The following FAT4 variants were observed in gnomAD, a reference collection of about 807,000 sequenced individuals.
FAT4 encodes the protein FAT atypical cadherin 4.
FAT4 carries 84 observed loss-of-function variants against 303.9 expected under a neutral mutation model. The ratio of observed to expected loss-of-function variants is 0.28; its 90% CI spans 0.23 to 0.33. The LOEUF (loss-of-function observed/expected upper bound fraction) is 0.33, where lower values mean the gene tolerates loss of function less well. Ranked by LOEUF, FAT4 falls within the 10% of genes least tolerant of loss-of-function variation. The pLI is 1.00. For missense variants in FAT4, 6,005 were observed against 6,146.8 expected (o/e 0.98, Z 0.77); for synonymous variants, 2,307 against 2,298.8 (o/e 1.00, Z -0.10).
chr4:125,367,309 A>G (rs1216583343), intron 2 of FAT4, among the ~76,000 whole-genome samples: 1 of 152,196 alleles, frequency 6.6e-6, no homozygotes. Flanking sequence ...CTGTACATAT[A>G]TTAAATCATT....
At chr4:125,440,916 C>G (rs868244828) in intron 8 of FAT4, among the ~76,000 whole-genome samples, 1 of 152,110 alleles carries the variant, frequency 6.6e-6, no homozygotes, top group Admixed American at 6.6e-5. Flanking sequence ...CTCTCTTATA[C>G]TCAATCAGTG....
chr4:125,438,446 G>A (rs548558632), intron 8 of FAT4, among the ~76,000 whole-genome samples: 5 of 152,202 alleles, frequency 3.3e-5, no homozygotes, highest in African/African-American at 1.2e-4. Context: ...TTGGTAGTAT[G>A]TATTTTGGTT....
intron 2 of FAT4, among the ~76,000 whole-genome samples, chr4:125,342,699 A>G (rs1731844309): frequency 6.6e-6 from 1 of 151,542 alleles, no homozygotes; most frequent in Non-Finnish European, 1.5e-5. Flanking sequence ...ACGTCATCAT[A>G]TATGTTTGAA....
At position 125,451,660 on chromosome 4, in the gene FAT4, G is replaced by A; in HGVS notation, c.10650G>A (p.Leu3550=). 3 of 1,614,114 alleles carry A rather than the reference G, an allele frequency of 1.9e-6. No homozygotes were observed. The highest frequency in any genetic ancestry group is 2.5e-6 in the Non-Finnish European group (3 of 1,180,018). Residue 3550 remains leucine, a synonymous_variant, in exon 10 of 18, where the codon TTG becomes TTA. Coordinates refer to ENST00000394329, the MANE Select transcript of FAT4 (RefSeq NM_001291303.3). ...ATCAAGGTCCCTTTACTTATTACTT[G>A]CTGAGCACAGGTCCTGCCACCAGTT... ...PPNQGPFTYY[L]LSTGPATSYF...
rs529049670 is a variant in FAT4, at chr4:125,345,503, T to C, written c.5175+23917T>C. Among the ~76,000 whole-genome samples, 39 of 152,132 alleles carry C rather than the reference T, an allele frequency of 2.6e-4. No homozygotes were observed. In the South Asian group the frequency reaches 5.6e-3, roughly 22 times the overall value. On this transcript the variant is annotated intron_variant, in intron 2 of 17. Coordinates refer to ENST00000394329, the MANE Select transcript of FAT4 (RefSeq NM_001291303.3). ...AAAATACTTATTATTTTCCTTTAAT[T>C]TTTTTCTGCAATTTTGTTGATGTTG...
At chr4:125,425,339 T>G (rs551494964) in intron 7 of FAT4, among the ~76,000 whole-genome samples, 1 of 152,136 alleles carries the variant, frequency 6.6e-6, no homozygotes, top group Non-Finnish European at 1.5e-5. Context: ...ACTTAACAGG[T>G]GATGATTTCT....
chr4:125,328,004 C>T (rs971025243), intron 2 of FAT4, among the ~76,000 whole-genome samples: 5 of 152,026 alleles, frequency 3.3e-5, no homozygotes, highest in African/African-American at 9.7e-5. Flanking sequence ...CTAGGCCCAG[C>T]GCTTTATAAA....
At chr4:125,395,464 C>T (rs1032744953) in intron 2 of FAT4, among the ~76,000 whole-genome samples, 2 of 152,186 alleles carry the variant, frequency 1.3e-5, no homozygotes, top group Admixed American at 6.5e-5. Flanking sequence ...TGCACGCCAC[C>T]ACGCCCAACT....
At chr4:125,453,001 A>G (rs1726152584) in intron 10 of FAT4, among the ~76,000 whole-genome samples, 191 bp downstream of exon 10, 1 of 152,222 alleles carries the variant, frequency 6.6e-6, no homozygotes, top group Non-Finnish European at 1.5e-5. Flanking sequence ...TACTTCTTAC[A>G]AGAAAACTTA....
Position 125,414,870 on chromosome 4 carries a change from C to T in FAT4, c.5921-14C>T, listed in dbSNP as rs190218898. 3,331 of 1,554,902 alleles carry T rather than the reference C, an allele frequency of 2.1e-3. 4 individuals are homozygous for T. The highest frequency in any genetic ancestry group is 2.7e-3 in the Non-Finnish European group (3,130 of 1,147,186). ...CATATGTTTAAGAAAATTTTTTCTT[C>T]CCTTTAATTTCAGGCATCAACTCTC... On this transcript the variant is annotated splice_polypyrimidine_tract_variant and intron_variant, in intron 5 of 17. Transcript: ENST00000394329.
At chr4:125,328,218 G>A (rs1009332789) in intron 2 of FAT4, among the ~76,000 whole-genome samples, 14 of 152,104 alleles carry the variant, frequency 9.2e-5, no homozygotes, top group South Asian at 6.2e-4. Flanking sequence ...GAGAGTATAG[G>A]GAATGCAGAC....
At chr4:125,423,414 C>T (rs771734268) in intron 7 of FAT4, among the ~76,000 whole-genome samples, 4 of 152,136 alleles carry the variant, frequency 2.6e-5, no homozygotes, top group Non-Finnish European at 5.9e-5. Context: ...AGGTTCAGCT[C>T]AGGCTGTTGC....
chr4:125,319,573 A>T lies in FAT4; in HGVS notation c.3162A>T (p.Ile1054=). The T allele has an allele frequency of 9.9e-6, 16 of 1,614,112 alleles. No homozygotes were observed. The highest frequency in any genetic ancestry group is 2.7e-5 in the African/African-American group (2 of 75,058). Residue 1054 remains isoleucine, a synonymous_variant, in exon 2 of 18, where the codon ATA becomes ATT. Transcript: ENST00000394329. ...TATTCCCAGATGGTCAATTGTATAT[A>T]AAAAGTGAACTGGACCGTGAACTTC... The part of the protein sequence containing the change: ...FGIFPDGQLY[I]KSELDRELQD...
At position 125,317,746 on chromosome 4, in the gene FAT4, G is replaced by A. The variant is rs1021508844; in HGVS notation, c.1335G>A (p.Gly445=). The change falls in exon 2 of 18, where the codon GGG becomes GGA. Residue 445 remains glycine, a synonymous_variant. Transcript: ENST00000394329. The surrounding 1 kb of genome is among the most constrained non-coding windows in gnomAD (Gnocchi z 7.0). The part of the protein sequence containing the change: ...NLTVSVSDNY[G]APPGAAVQAR... ...CAGTTTCCGTCTCTGATAACTACGG[G>A]GCGCCCCCTGGCGCAGCAGTCCAGG... The A allele has an allele frequency of 6.2e-7, 1 of 1,613,958 alleles. No individual in the cohort carries two copies. Among genetic ancestry groups the A allele is most frequent in the Admixed American group, 1.7e-5 (1 of 60,002 alleles).
intron 5 of FAT4, among the ~76,000 whole-genome samples, chr4:125,409,698 G>T (rs2126022292): frequency 6.6e-6 from 1 of 152,248 alleles, no homozygotes; most frequent in African/African-American, 2.4e-5. Context: ...AAAGCAATTG[G>T]CAAACTTTAT....
intron 3 of FAT4, among the ~76,000 whole-genome samples, chr4:125,404,067 C>T (rs1442192226): frequency 6.6e-6 from 1 of 152,114 alleles, no homozygotes; most frequent in Non-Finnish European, 1.5e-5. Context: ...CGTTTAGCAG[C>T]TAGCAAACAC....
intron 11 of FAT4, among the ~76,000 whole-genome samples, chr4:125,465,154 A>C (rs753878131): frequency 7.2e-5 from 11 of 152,176 alleles, no homozygotes; most frequent in Non-Finnish European, 1.5e-4. Flanking sequence ...AATGAAGTTG[A>C]GGCAAAACTA....
chr4:125,448,842 G>A lies in FAT4; in HGVS notation c.7832G>A (p.Gly2611Asp). 1 of 1,608,256 alleles carries A rather than the reference G, an allele frequency of 6.2e-7. No homozygotes were observed. Among genetic ancestry groups the A allele is most frequent in the Non-Finnish European group, 8.5e-7 (1 of 1,179,506 alleles). ...TATTATATCGCAAGTGGGAATCTTG[G>A]CAATACTTTCCAGATTGATCAGTTA... The part of the protein sequence containing the change: ...MSYYIASGNL[G>D]NTFQIDQLTG... The change falls in exon 10 of 18, where the codon GGC (glycine) becomes GAC (aspartate). Residue 2611 changes from glycine to aspartate, a missense_variant. Physicochemically the swap from Gly to Asp is moderately conservative, Grantham distance 94. Coordinates refer to ENST00000394329, the MANE Select transcript of FAT4 (RefSeq NM_001291303.3).
At position 125,408,704 on chromosome 4, in the gene FAT4, T is replaced by A; in HGVS notation, c.5830T>A (p.Phe1944Ile). The A allele has an allele frequency of 6.2e-7, 1 of 1,612,058 alleles. No homozygotes were observed. The highest frequency in any genetic ancestry group is 8.5e-7 in the Non-Finnish European group (1 of 1,178,454). Residue 1944 changes from phenylalanine (F) to isoleucine (I), a missense_variant, in exon 5 of 18, where the codon TTC (phenylalanine) becomes ATC (isoleucine). Transcript: ENST00000394329. ...ILDVNDNPPI[F>I]SLNSYSTSLM... ...AGATGTAAATGATAATCCACCTATT[T>A]TCAGCTTGAATTCATACAGCACATC... is the stretch of plus-strand genomic sequence containing the variant.
Sources: gnomAD v4.1 joint callset for allele counts (sites outside exome capture counted in the v4.1 genomes callset) on GRCh38, gnomAD v4.1.1 for gene constraint, Gnocchi (gnomAD v3.1) non-coding constraint, MANE v1.5 for transcripts, NCBI Gene and HGNC (gene_info 2026-07-23, HGNC 2026-07-21) for gene names.